The following ATE1 variants were observed in gnomAD, a reference collection of about 807,000 sequenced individuals.
The protein encoded by ATE1 is arginyltransferase 1.
A neutral mutation model predicts 70.5 loss-of-function variants in ATE1; 36 were observed. That is an observed-to-expected ratio of 0.51 (90% confidence interval 0.39 to 0.67). The LOEUF is 0.67. ATE1 is among the 30% of genes least tolerant of loss of function. The pLI, the probability that ATE1 is intolerant of heterozygous loss-of-function variation, is 0.00. For synonymous variants in ATE1, 232 were observed against 219.3 expected, an observed-to-expected ratio of 1.06 and a Z score of -0.51; for missense variants, 593 against 629.5, an observed-to-expected ratio of 0.94 and a Z score of 0.62.
chr10:121,761,306 A>G (rs1373447286), intron 11 of ATE1, among the ~76,000 whole-genome samples: 1 of 152,202 alleles, frequency 6.6e-6, no homozygotes, highest in Non-Finnish European at 1.5e-5. Context: ...CCAAAGACAT[A>G]TATCAACCTT....
At chr10:121,781,100 G>A (rs1180871681) in intron 11 of ATE1, among the ~76,000 whole-genome samples, 1 of 151,760 alleles carries the variant, frequency 6.6e-6, no homozygotes. Flanking sequence ...CCCATGTTTT[G>A]GGTCCTTACT....
intron 8 of ATE1, among the ~76,000 whole-genome samples, chr10:121,845,973 C>A (rs1443911356): frequency 6.6e-6 from 1 of 152,030 alleles, no homozygotes; most frequent in Non-Finnish European, 1.5e-5. Flanking sequence ...ACCCCAGGAG[C>A]AATGAGCATT....
At chr10:121,893,732 T>C (rs1204348770) in intron 7 of ATE1, among the ~76,000 whole-genome samples, 1 of 152,214 alleles carries the variant, frequency 6.6e-6, no homozygotes, top group African/African-American at 2.4e-5. Flanking sequence ...CAGCCACTGA[T>C]ATCTTAAAAA....
At chr10:121,827,736 T>C (rs1373771448) in intron 10 of ATE1, among the ~76,000 whole-genome samples, 1 of 152,262 alleles carries the variant, frequency 6.6e-6, no homozygotes, top group Non-Finnish European at 1.5e-5. Context: ...GACTATCTTG[T>C]GCCTTACATG....
chr10:121,927,447 T>G (rs1952141397), intron 1 of ATE1: 1 of 984,434 alleles, frequency 1.0e-6, no homozygotes, highest in African/African-American at 1.8e-5. Flanking sequence ...CACCCACAGC[T>G]CCCTCTGCAC....
At chr10:121,895,529 G>A (rs892466803) in intron 7 of ATE1, among the ~76,000 whole-genome samples, 33 of 152,116 alleles carry the variant, frequency 2.2e-4, no homozygotes, top group Non-Finnish European at 1.5e-5. Flanking sequence ...CAGGAGAATC[G>A]CTTGAACCTT....
At chr10:121,856,598 A>C (rs1949259027) in intron 8 of ATE1, among the ~76,000 whole-genome samples, 1 of 152,236 alleles carries the variant, frequency 6.6e-6, no homozygotes, top group African/African-American at 2.4e-5. Context: ...CACTGCAATA[A>C]AGTGAACATC....
At chr10:121,774,336 C>A (rs1190693047) in intron 11 of ATE1, among the ~76,000 whole-genome samples, 1 of 152,178 alleles carries the variant, frequency 6.6e-6, no homozygotes, top group Non-Finnish European at 1.5e-5. Flanking sequence ...ATCATGGTAT[C>A]TAATCCCCCC....
At chr10:121,926,953 A>G in intron 1 of ATE1, 1 of 985,484 alleles carries the variant, frequency 1.0e-6, no homozygotes, top group Non-Finnish European at 1.2e-6. Flanking sequence ...ATGAAGGAGC[A>G]AATGCACACA....
At chr10:121,810,797 G>A (rs896087793) in intron 10 of ATE1, among the ~76,000 whole-genome samples, 1 of 152,080 alleles carries the variant, frequency 6.6e-6, no homozygotes, top group Non-Finnish European at 1.5e-5. Context: ...CCACCTCCAG[G>A]ATTCAAGCAA....
chr10:121,819,623 C>T (rs756609765), intron 10 of ATE1, among the ~76,000 whole-genome samples: 2 of 132,060 alleles, frequency 1.5e-5, no homozygotes, highest in African/African-American at 6.0e-5. Context: ...AGGAGAATGG[C>T]GTGAACCTGG....
chr10:121,908,774 G>C (rs1951303022), intron 5 of ATE1, among the ~76,000 whole-genome samples: 1 of 152,118 alleles, frequency 6.6e-6, no homozygotes, highest in South Asian at 2.1e-4. Flanking sequence ...ATCTGATTAA[G>C]ACTTGCCCCC....
chr10:121,904,110 G>A (rs1040517555), intron 5 of ATE1, among the ~76,000 whole-genome samples: 1 of 151,462 alleles, frequency 6.6e-6, no homozygotes, highest in Admixed American at 6.6e-5. Flanking sequence ...AGCCTCCAGA[G>A]TAGCTGGGAA....
At chr10:121,865,964 G>C (rs891778163) in intron 8 of ATE1, among the ~76,000 whole-genome samples, 3 of 152,198 alleles carry the variant, frequency 2.0e-5, no homozygotes, top group Non-Finnish European at 4.4e-5. Flanking sequence ...AGTCGGCTTT[G>C]TTTTCAACTG....
intron 7 of ATE1, among the ~76,000 whole-genome samples, chr10:121,886,244 C>T (rs1950392828): frequency 6.6e-6 from 1 of 151,666 alleles, no homozygotes; most frequent in Non-Finnish European, 1.5e-5. Flanking sequence ...ATAGCAAGAT[C>T]CTGCTTCTAC....
chr10:121,869,806 G>A (rs185170570), intron 8 of ATE1, among the ~76,000 whole-genome samples, 200 bp downstream of exon 8: 1 of 152,086 alleles, frequency 6.6e-6, no homozygotes, highest in Non-Finnish European at 1.5e-5. Flanking sequence ...TCATGAAAGT[G>A]AATTGCTATT....
chr10:121,906,347 G>A (rs1348006729), intron 5 of ATE1, among the ~76,000 whole-genome samples: 1 of 152,032 alleles, frequency 6.6e-6, no homozygotes, highest in Non-Finnish European at 1.5e-5. Context: ...GTACAACACG[G>A]CAAAACCCCC....
intron 11 of ATE1, among the ~76,000 whole-genome samples, chr10:121,747,451 C>A (rs1944416004): frequency 6.6e-6 from 1 of 152,140 alleles, no homozygotes; most frequent in African/African-American, 2.4e-5. Context: ...TCCCCCCAAA[C>A]CTCTCCTCTC....
At chr10:121,785,754 C>T (rs541119967) in intron 11 of ATE1, among the ~76,000 whole-genome samples, 51 of 152,208 alleles carry the variant, frequency 3.4e-4, no homozygotes, top group Non-Finnish European at 6.2e-4. Flanking sequence ...ATTCACTATC[C>T]TGGGTAAACT....
Sources: gnomAD v4.1 joint callset for allele counts (sites outside exome capture counted in the v4.1 genomes callset) on GRCh38, gnomAD v4.1.1 for gene constraint, MANE v1.5 for transcripts, NCBI Gene and HGNC (gene_info 2026-07-23, HGNC 2026-07-21) for gene names.